DPYS: variants seen among roughly 807,000 people sequenced by gnomAD.
DPYS encodes dihydropyrimidinase, also known as dihydropyrimidine amidohydrolase.
In DPYS, 39 loss-of-function variants were observed where a neutral mutation model predicts 50.3. The ratio of observed to expected loss-of-function variants is 0.78; its 90% CI spans 0.60 to 1.01. The LOEUF (loss-of-function observed/expected upper bound fraction) is 1.01, where lower values mean the gene tolerates loss of function less well. Among genes scored for constraint, DPYS ranks in the 50% least tolerant of loss-of-function variants. The pLI, the probability that DPYS is intolerant of heterozygous loss-of-function variation, is 0.00. For missense variants in DPYS, 659 were observed against 680.9 expected, an observed-to-expected ratio of 0.97 and a Z score of 0.36; for synonymous variants, 245 against 250.7, an observed-to-expected ratio of 0.98 and a Z score of 0.22.
At chr8:104,421,084 C>T (rs1812523083) in intron 7 of DPYS, 1 of 152,050 alleles carries the variant, frequency 6.6e-6, no homozygotes, top group Admixed American at 6.6e-5. Context: ...GGATCTGGGA[C>T]CAGAACTTAC....
At chr8:104,428,600 G>A (rs1215082252) in intron 5 of DPYS, among the ~76,000 whole-genome samples, 1 of 152,238 alleles carries the variant, frequency 6.6e-6, no homozygotes, top group African/African-American at 2.4e-5. Flanking sequence ...CGGCCACACT[G>A]GGATGAACAG....
chr8:104,398,115 C>G (rs1210719254), intron 7 of DPYS, among the ~76,000 whole-genome samples: 1 of 152,236 alleles, frequency 6.6e-6, no homozygotes, highest in African/African-American at 2.4e-5. Context: ...ATGGCAGAAG[C>G]CAAAAACATG....
chr8:104,405,431 T>C (rs1394739823), intron 7 of DPYS, among the ~76,000 whole-genome samples: 1 of 152,190 alleles, frequency 6.6e-6, no homozygotes, highest in Non-Finnish European at 1.5e-5. Context: ...ATTCAAACAA[T>C]TACCTACACT....
At chr8:104,427,578 C>T (rs1812775699) in intron 6 of DPYS, among the ~76,000 whole-genome samples, 1 of 151,882 alleles carries the variant, frequency 6.6e-6, no homozygotes, top group South Asian at 2.1e-4. Flanking sequence ...TGCACCCTGC[C>T]CCTTCGTGTA....
intron 7 of DPYS, among the ~76,000 whole-genome samples, chr8:104,399,102 C>T (rs1449507042): frequency 1.3e-5 from 2 of 151,952 alleles, no homozygotes; most frequent in African/African-American, 4.8e-5. Flanking sequence ...ACCAGCCTGG[C>T]CAACATGGTG....
At chr8:104,461,273 G>C (rs1472358136) in intron 1 of DPYS, among the ~76,000 whole-genome samples, 2 of 136,994 alleles carry the variant, frequency 1.5e-5, no homozygotes. Context: ...GCCCAGGTGA[G>C]AGAGTGAGAC....
intron 8 of DPYS, among the ~76,000 whole-genome samples, chr8:104,389,334 A>T (rs190723538): frequency 6.6e-6 from 1 of 152,214 alleles, no homozygotes; most frequent in East Asian, 1.9e-4. Context: ...AAAAATCTAG[A>T]GTTTTTATGA....
intron 4 of DPYS, among the ~76,000 whole-genome samples, chr8:104,438,416 T>C (rs1813226297): frequency 6.6e-6 from 1 of 152,036 alleles, no homozygotes; most frequent in African/African-American, 2.4e-5. Flanking sequence ...ACAATAATGG[T>C]CTAAATATGT....
In DPYS at chr8:104,429,657, C is replaced by G. The variant is rs767616649; in HGVS notation, c.838G>C (p.Asp280His). The G allele has an allele frequency of 8.7e-6, 14 of 1,614,200 alleles. No homozygotes were observed. In the East Asian group the frequency reaches 1.3e-4, roughly 15 times the overall value. The change falls in exon 5 of 10, where the codon GAT becomes CAT. Residue 280 changes from aspartate (D) to histidine (H), a missense_variant. Coordinates refer to ENST00000351513, the MANE Select transcript of DPYS (RefSeq NM_001385.3). ...GEPIAASLGTDGTHYWNKEWH... is the reference protein window; with the variant it reads ...GEPIAASLGTHGTHYWNKEWH... ...TCTTTATTCCAGTAGTGAGTGCCAT[C>G]TGTGCCAAGACTGGCTGCTATGGGT...
At chr8:104,444,524 C>T (rs540953390) in intron 3 of DPYS, 87 bp from the exon 4 acceptor site, 1 of 1,472,232 alleles carries the variant, frequency 6.8e-7, no homozygotes, top group East Asian at 2.4e-5. Flanking sequence ...AAATGCAATG[C>T]CAGGCTTTTG....
At chr8:104,459,061 G>T (rs1164195231) in intron 1 of DPYS, among the ~76,000 whole-genome samples, 5 of 152,156 alleles carry the variant, frequency 3.3e-5, no homozygotes, top group African/African-American at 7.2e-5. Flanking sequence ...CAGTCTCCCT[G>T]TTAGATGCAA....
chr8:104,464,441 A>C (rs958060539), intron 1 of DPYS, among the ~76,000 whole-genome samples: 11 of 152,216 alleles, frequency 7.2e-5, no homozygotes, highest in Admixed American at 6.5e-5. Flanking sequence ...CCCTGATGGC[A>C]GAAAGAGAAT....
Position 104,429,202 on chromosome 8 carries a change from T to C in DPYS, c.950+343A>G, listed in dbSNP as rs28571799. On this transcript the variant is annotated intron_variant, in intron 5 of 9. Transcript: ENST00000351513. ...AGTAACAGGGTTAACCTAGTTCCCA[T>C]ATTATATCAGCATAGAAAAAAATTC... The C allele has an allele frequency of 4.1e-3, 1,210 of 293,506 alleles. 8 individuals carry two copies. The highest frequency in any genetic ancestry group is 0.024 in the African/African-American group (1,099 of 46,148). The allele number at this position is 293,506 out of a possible 1,614,324, so 18.2% of individuals were successfully genotyped here.
intron 4 of DPYS, among the ~76,000 whole-genome samples, chr8:104,430,301 C>T (rs1812909377): frequency 1.3e-5 from 2 of 151,356 alleles, no homozygotes; most frequent in African/African-American, 4.9e-5. Context: ...AATGAAAGAA[C>T]ACTCAGATAA....
intron 6 of DPYS, among the ~76,000 whole-genome samples, chr8:104,426,228 G>T (rs2140630105): frequency 6.6e-6 from 1 of 152,236 alleles, no homozygotes; most frequent in East Asian, 1.9e-4. Context: ...AGTAATGGAG[G>T]CAAGTAAAGG....
chr8:104,405,847 C>T (rs907611556), intron 7 of DPYS, among the ~76,000 whole-genome samples: 1 of 152,196 alleles, frequency 6.6e-6, no homozygotes, highest in Non-Finnish European at 1.5e-5. Flanking sequence ...AGGGGAGCAG[C>T]GCCCAGGAGG....
At chr8:104,404,132 CTAT>C (rs150161057) in intron 7 of DPYS, among the ~76,000 whole-genome samples, 8,357 of 151,882 alleles carry the variant, frequency 0.055, 268 homozygotes, top group African/African-American at 0.064. Flanking sequence ...GATATCAATA[CTAT>C]TATTATTATT....
At chr8:104,409,522 CTAAA>C (rs1812104877) in intron 7 of DPYS, among the ~76,000 whole-genome samples, 1 of 151,946 alleles carries the variant, frequency 6.6e-6, no homozygotes, top group African/African-American at 2.4e-5. Context: ...AAAATACAAA[CTAAA>C]TATGCAGGAC....
rs979208424 is a variant in DPYS at position 104,429,575 on chromosome 8, G to A, written c.920C>T (p.Thr307Ile). The A allele has an allele frequency of 1.2e-6, 2 of 1,614,014 alleles. No individual in the cohort carries two copies. Among genetic ancestry groups the A allele is most frequent in the East Asian group, 2.2e-5 (1 of 44,880 alleles). The change falls in exon 5 of 10, where the codon ACA becomes ATA. Residue 307 changes from threonine (T) to isoleucine (I), a missense_variant. Physicochemically the swap from Thr to Ile is moderately conservative, Grantham distance 89. Transcript: ENST00000351513. ...CAACAGATTCATGAGGAAGTCGGGT[G>A]TTGAGGGGTCTGGTCGCAAAGGTGG... ...MGPPLRPDPS[T>I]PDFLMNLLAN...
Sources: allele counts gnomAD v4.1 joint callset (sites outside exome capture counted in the v4.1 genomes callset), GRCh38; gene constraint gnomAD v4.1.1; transcripts MANE v1.5; gene names NCBI Gene and HGNC (gene_info 2026-07-23, HGNC 2026-07-21).